Variants in ALPL observed in about 807,000 individuals in gnomAD.
ALPL encodes alkaline phosphatase, tissue-nonspecific isozyme.
A neutral mutation model predicts 51.3 loss-of-function variants in ALPL; 42 were observed. The ratio of observed to expected loss-of-function variants is 0.82; its 90% CI spans 0.64 to 1.06. The LOEUF is 1.06. Among genes scored for constraint, ALPL ranks in the 50% least tolerant of loss-of-function variants. The pLI, the probability that ALPL is intolerant of heterozygous loss-of-function variation, is 0.00. For missense variants in ALPL, 589 were observed against 709.4 expected (o/e 0.83, Z 1.93); for synonymous variants, 279 against 296.4 (o/e 0.94, Z 0.60).
At chr1:21,543,400 C>T (rs1644214773) in intron 1 of ALPL, among the ~76,000 whole-genome samples, 1 of 152,028 alleles carries the variant, frequency 6.6e-6, no homozygotes, top group African/African-American at 2.4e-5. Context: ...GACAACTTTT[C>T]ACAAATATAC....
At chr1:21,549,445 C>G (rs536643018) in intron 1 of ALPL, among the ~76,000 whole-genome samples, 1 of 152,070 alleles carries the variant, frequency 6.6e-6, no homozygotes, top group Non-Finnish European at 1.5e-5. Context: ...CCACCCCAAA[C>G]GCCGAAAGGC....
At chr1:21,560,032 CAA>C (rs1010048490) in intron 2 of ALPL, among the ~76,000 whole-genome samples, 13 of 152,216 alleles carry the variant, frequency 8.5e-5, no homozygotes, top group African/African-American at 3.1e-4. Context: ...CTAATCCTAA[CAA>C]GAGTGAGATC....
intron 2 of ALPL, among the ~76,000 whole-genome samples, chr1:21,557,607 G>A (rs541584717): frequency 6.6e-6 from 1 of 152,232 alleles, no homozygotes; most frequent in African/African-American, 2.4e-5. Context: ...TGTATCTGCT[G>A]TTGCCAGGCT....
chr1:21,574,161 G>A (rs1644693443), intron 9 of ALPL: 2 of 985,496 alleles, frequency 2.0e-6, no homozygotes, highest in Non-Finnish European at 2.4e-6. Context: ...CCCACGCTGT[G>A]TGCTGATGTT....
Position 21,554,825 on chromosome 1 carries a change from C to CTTTCTTTCTTTCTCTCTTTCTTTCTT in ALPL, c.61+696_61+697insCTCTTTCTTTCTTTTTCTTTCTTTCT, listed in dbSNP as rs1644384797. Among the ~76,000 whole-genome samples, 17 of 113,508 alleles carry CTTTCTTTCTTTCTCTCTTTCTTTCTT rather than the reference C, an allele frequency of 1.5e-4. 2 individuals are homozygous for CTTTCTTTCTTTCTCTCTTTCTTTCTT. The highest frequency in any genetic ancestry group is 5.6e-4 in the African/African-American group (17 of 30,618). 74.5% of individuals were successfully genotyped at this position (113,508 alleles called of 152,430 possible). On this transcript the variant is annotated intron_variant, in intron 2 of 11. Coordinates refer to ENST00000374840, the MANE Select transcript of ALPL (RefSeq NM_000478.6). ...TCTGTCTGTCTGTCTGTCTTTCTTT[C>CTTTCTTTCTTTCTCTCTTTCTTTCTT]TTTCTTTCTTTCTTTCTTTCTTTCT... is the stretch of plus-strand genomic sequence containing the variant.
intron 1 of ALPL, among the ~76,000 whole-genome samples, chr1:21,515,939 T>A (rs901897857): frequency 6.6e-6 from 1 of 152,124 alleles, no homozygotes; most frequent in Non-Finnish European, 1.5e-5. Context: ...AGTGGCACGA[T>A]CATGGCTCAC....
chr1:21,525,808 T>G (rs1570184688), intron 1 of ALPL, among the ~76,000 whole-genome samples: 1 of 152,272 alleles, frequency 6.6e-6, no homozygotes, highest in East Asian at 1.9e-4. Context: ...ACCAACATGG[T>G]GAAACCTCGT....
intron 8 of ALPL, among the ~76,000 whole-genome samples, chr1:21,573,225 G>C (rs1264274611): frequency 6.6e-6 from 1 of 152,220 alleles, no homozygotes; most frequent in African/African-American, 2.4e-5. Flanking sequence ...CCTGAGGTCA[G>C]GAGTTCGAGA....
chr1:21,549,473 TTC>T (rs1167506370), intron 1 of ALPL, among the ~76,000 whole-genome samples: 8 of 149,966 alleles, frequency 5.3e-5, no homozygotes, highest in Admixed American at 2.7e-4. Context: ...TTTTTTCTTT[TTC>T]TTTTTTTTTT....
chr1:21,555,961 C>T (rs541816599), intron 2 of ALPL, among the ~76,000 whole-genome samples: 12 of 151,894 alleles, frequency 7.9e-5, no homozygotes, highest in Admixed American at 4.6e-4. Flanking sequence ...TTAGTAGAGA[C>T]GGGGTTTCAC....
In ALPL at chr1:21,561,202, C is replaced by T; in HGVS notation, c.287C>T (p.Ala96Val). 6.2e-7 allele frequency: 1 copy of T among 1,609,270 alleles called. No homozygotes were observed. Among genetic ancestry groups the T allele is most frequent in the Non-Finnish European group, 8.5e-7 (1 of 1,177,900 alleles). Residue 96 changes from alanine to valine, a missense_variant, in exon 4 of 12, where the codon GCC becomes GTC. Transcript: ENST00000374840. ...RLEMDKFPFV[A>V]LSKTYNTNAQ... ...GAGATGGACAAGTTCCCCTTCGTGG[C>T]CCTCTCCAAGGTGAGCCCCATCCCC...
rs750369828 is a variant in ALPL at position 21,570,509 on chromosome 1, G to A, written c.862+135G>A. 28 of 859,838 alleles carry A rather than the reference G, an allele frequency of 3.3e-5. 1 individual carries two copies. In the South Asian group the frequency reaches 3.9e-4, roughly 12 times the overall value. The allele number at this position is 859,838 out of a possible 1,614,324, so 53.3% of individuals were successfully genotyped here. A position where few individuals can be genotyped will look rare whatever the true frequency, so the allele number is the denominator to read the frequency against. ...CTCTGCTCTTGGGCTTCAGGACCTG[G>A]GAGAGGCAAGGAAGGGGGTTCTGGT... is the stretch of plus-strand genomic sequence containing the variant. On this transcript the variant is annotated intron_variant, in intron 8 of 11. Transcript: ENST00000374840.
In ALPL at chr1:21,554,815, GTCTTTCTTTCTT is replaced by G. The variant is rs60858822; in HGVS notation, c.61+721_61+732del. Among the ~76,000 whole-genome samples, 381 of 83,720 alleles carry G rather than the reference GTCTTTCTTTCTT, an allele frequency of 4.6e-3. 4 individuals are homozygous for G. The highest frequency in any genetic ancestry group is 9.8e-3 in the African/African-American group (243 of 24,784). 54.9% of individuals were successfully genotyped at this position (83,720 alleles called of 152,430 possible). A position where few individuals can be genotyped will look rare whatever the true frequency, so the allele number is the denominator to read the frequency against. The stretch of plus-strand genomic sequence containing the variant: ...TGTCTGTCTGTCTGTCTGTCTGTCT[GTCTTTCTTTCTT>G]TCTTTCTTTCTTTCTTTCTTTCTTT... On this transcript the variant is annotated intron_variant, in intron 2 of 11. Transcript: ENST00000374840.
intron 6 of ALPL, among the ~76,000 whole-genome samples, chr1:21,567,477 C>T (rs1324004784): frequency 1.3e-5 from 2 of 152,326 alleles, no homozygotes; most frequent in South Asian, 2.1e-4. Flanking sequence ...TGGGCTGGCT[C>T]CCAGCTGTGG....
intron 1 of ALPL, among the ~76,000 whole-genome samples, chr1:21,523,872 A>G (rs891990455): frequency 1.5e-4 from 23 of 152,030 alleles, no homozygotes; most frequent in Admixed American, 1.2e-3. Flanking sequence ...TGTGTCTGCC[A>G]TGGGGTTGTC....
At chr1:21,540,568 C>A (rs1644169501) in intron 1 of ALPL, among the ~76,000 whole-genome samples, 1 of 152,216 alleles carries the variant, frequency 6.6e-6, no homozygotes, top group Non-Finnish European at 1.5e-5. Flanking sequence ...ATGCAGAGGG[C>A]CTGCTCTCCA....
intron 2 of ALPL, 58 bp from the exon 3 acceptor site, chr1:21,560,568 G>T: frequency 6.2e-7 from 1 of 1,605,602 alleles, no homozygotes; most frequent in South Asian, 1.1e-5. Context: ...GGATCTGTAC[G>T]TCTGGAGATA....
rs141578389 is a variant in ALPL, at chr1:21,535,468, C to T, written c.-104-18510C>T. On this transcript the variant is annotated intron_variant, in intron 1 of 11. Coordinates refer to ENST00000374840, the MANE Select transcript of ALPL (RefSeq NM_000478.6). ...CTCTACTAAAAATAAAATCACCAGCCGAACGTGGTGCTGTGCGCCGGTGGT... is the reference window on the plus strand; with the variant it reads ...CTCTACTAAAAATAAAATCACCAGCTGAACGTGGTGCTGTGCGCCGGTGGT... 2.1e-3 allele frequency among the ~76,000 whole-genome samples: 324 copies of T among 152,166 alleles called. 3 individuals are homozygous for T. Among genetic ancestry groups the T allele is most frequent in the African/African-American group, 7.3e-3 (304 of 41,528 alleles).
At chr1:21,517,215 A>G (rs1203361799) in intron 1 of ALPL, among the ~76,000 whole-genome samples, 1 of 152,258 alleles carries the variant, frequency 6.6e-6, no homozygotes, top group Non-Finnish European at 1.5e-5. Context: ...ACAGTCTGTA[A>G]TGAACATTTA....
Sources: allele counts gnomAD v4.1 joint callset (sites outside exome capture counted in the v4.1 genomes callset), GRCh38; gene constraint gnomAD v4.1.1; transcripts MANE v1.5; gene names NCBI Gene and HGNC (gene_info 2026-07-23, HGNC 2026-07-21).